The following TARS2 variants were observed in gnomAD, a reference collection of about 807,000 sequenced individuals.
TARS2 encodes threonyl-tRNA synthetase 2, mitochondrial, also known as threonine--tRNA ligase, mitochondrial.
Under a neutral mutation model 94.4 loss-of-function variants are expected in TARS2, and 61 were observed. That is an observed-to-expected ratio of 0.65 (90% CI 0.53 to 0.80). The LOEUF (loss-of-function observed/expected upper bound fraction) is 0.80, where lower values mean the gene tolerates loss of function less well. Among genes scored for constraint, TARS2 ranks in the 30% least tolerant of loss-of-function variants. The pLI is 0.00. For synonymous variants in TARS2, 359 were observed against 353.4 expected (o/e 1.02, Z -0.18); for missense variants, 704 against 902.5 (o/e 0.78, Z 2.82).
chr1:150,492,890 CT>C (rs780191451), intron 7 of TARS2, among the ~76,000 whole-genome samples: 168 of 143,414 alleles, frequency 1.2e-3, no homozygotes, highest in Non-Finnish European at 1.2e-3. Context: ...CGGCACCCCC[CT>C]TTTTTTTTTT....
At position 150,506,973 on chromosome 1, in the gene TARS2, G is replaced by A. The variant is rs745798018; in HGVS notation, c.2066G>A (p.Arg689His). The part of the protein sequence containing the change: ...RTVNIRTRDN[R>H]RLGEWDLPEA... ...GTGAACATTCGGACTCGAGATAATC[G>A]TCGCCTTGGGGAGTGGGACTTGCCT... The change falls in exon 18 of 18, where the codon CGT (arginine) becomes CAT (histidine). Residue 689 changes from arginine (R) to histidine (H), a missense_variant. Arg to His is a conservative substitution (Grantham distance 29). This residue lies in a region of TARS2 where 466 missense variants were observed against 609.5 expected (regional missense o/e 0.76). Coordinates refer to ENST00000369064, the MANE Select transcript of TARS2 (RefSeq NM_025150.5). 10 of 1,614,134 alleles carry A rather than the reference G, an allele frequency of 6.2e-6. No individual in the cohort carries two copies. Among genetic ancestry groups the A allele is most frequent in the Admixed American group, 3.3e-5 (2 of 60,016 alleles).
chr1:150,493,565 C>A (rs767860695), intron 7 of TARS2, among the ~76,000 whole-genome samples: 44 of 151,712 alleles, frequency 2.9e-4, no homozygotes, highest in Non-Finnish European at 2.8e-4. Context: ...ACCGGCCTGA[C>A]CAACATGGAG....
chr1:150,491,857 C>A (rs371077871), intron 6 of TARS2, 195 bp downstream of exon 6: 2 of 548,254 alleles, frequency 3.6e-6, no homozygotes, highest in Non-Finnish European at 6.4e-6. Context: ...TGCGGTAGCA[C>A]GATCTCGGCT....
chr1:150,491,286 C>G (rs1011046972), intron 4 of TARS2, 108 bp from the exon 5 acceptor site: 1 of 1,037,734 alleles, frequency 9.6e-7, no homozygotes, highest in South Asian at 1.3e-5. Context: ...GCCTATAACT[C>G]TAGATTTCTC....
At chr1:150,498,155 G>A (rs1317604743) in intron 10 of TARS2, among the ~76,000 whole-genome samples, 1 of 151,530 alleles carries the variant, frequency 6.6e-6, no homozygotes, top group African/African-American at 2.4e-5. Flanking sequence ...TGAGCCTACA[G>A]TCTTCCCCCT....
Position 150,488,082 on chromosome 1 carries a change from G to A in TARS2, c.263+28G>A, listed in dbSNP as rs375706031. ...AACAGGCCCATCCTGTAACTACCAG[G>A]ATTATCCTTCTGCCCCTTTACTTTC... On this transcript the variant is annotated intron_variant, in intron 2 of 17. Transcript: ENST00000369064. 14 of 1,607,454 alleles carry A rather than the reference G, an allele frequency of 8.7e-6. No individual in the cohort carries two copies. The African/African-American group carries it at 1.9e-4, about 22-fold the overall frequency.
At chr1:150,505,770 CA>C in intron 17 of TARS2, 65 bp downstream of exon 17, 1 of 1,505,248 alleles carries the variant, frequency 6.6e-7, no homozygotes, top group Non-Finnish European at 9.2e-7. Context: ...TTAAGTTTAC[CA>C]AGTCTGGTAA....
intron 13 of TARS2, among the ~76,000 whole-genome samples, chr1:150,499,501 T>C (rs1332468304): frequency 8.6e-5 from 13 of 151,944 alleles, no homozygotes; most frequent in Non-Finnish European, 1.5e-5. Flanking sequence ...GTAGCTGGGA[T>C]TACAGGTGTA....
chr1:150,497,522 C>T lies in TARS2; in HGVS notation c.1021-8C>T. ...TCTGACCTTCCATGTCTGTACCCTC[C>T]TCTCCAGGCTGAGTATGCCCATCGT... is the stretch of plus-strand genomic sequence containing the variant. On this transcript the variant is annotated splice_polypyrimidine_tract_variant and splice_region_variant and intron_variant, in intron 9 of 17. Coordinates refer to ENST00000369064, the MANE Select transcript of TARS2 (RefSeq NM_025150.5). 1.2e-6 allele frequency: 2 copies of T among 1,613,534 alleles called. No individual in the cohort carries two copies. Among genetic ancestry groups the T allele is most frequent in the Non-Finnish European group, 1.7e-6 (2 of 1,179,806 alleles).
At position 150,506,975 on chromosome 1, in the gene TARS2, C is replaced by T. The variant is rs777829295; in HGVS notation, c.2068C>T (p.Arg690Cys). ...TVNIRTRDNR[R>C]LGEWDLPEAV... ...GAACATTCGGACTCGAGATAATCGT[C>T]GCCTTGGGGAGTGGGACTTGCCTGA... The change falls in exon 18 of 18, where the codon CGC becomes TGC. Residue 690 changes from arginine to cysteine, a missense_variant. Coordinates refer to ENST00000369064, the MANE Select transcript of TARS2 (RefSeq NM_025150.5). 9.9e-6 allele frequency: 16 copies of T among 1,614,036 alleles called. No individual in the cohort carries two copies. The highest frequency in any genetic ancestry group is 1.6e-4 in the Middle Eastern group (1 of 6,084).
At chr1:150,498,461 G>A (rs1669765960) in intron 10 of TARS2, 41 bp from the exon 11 acceptor site, 1 of 1,518,924 alleles carries the variant, frequency 6.6e-7, no homozygotes, top group Admixed American at 2.4e-5. Flanking sequence ...TCGGGGGCTA[G>A]TCCTCCCTAT....
rs146022642 is a variant in TARS2 at position 150,489,670 on chromosome 1, G to A, written c.387+583G>A. Reference sequence around the variant, plus strand: ...AGATAGCTTATTCTGGCCAGGCACAGTAGCTCACGCCTGTAATCCCAGCAC... The same window carrying A: ...AGATAGCTTATTCTGGCCAGGCACAATAGCTCACGCCTGTAATCCCAGCAC... On this transcript the variant is annotated intron_variant, in intron 3 of 17. Transcript: ENST00000369064. 1.2e-3 allele frequency among the ~76,000 whole-genome samples: 187 copies of A among 152,324 alleles called. 1 individual carries two copies. The highest frequency in any genetic ancestry group is 2.0e-3 in the Non-Finnish European group (133 of 68,034).
intron 5 of TARS2, 38 bp downstream of exon 5, chr1:150,491,549 T>G: frequency 6.2e-7 from 1 of 1,614,098 alleles, no homozygotes; most frequent in Non-Finnish European, 8.5e-7. Flanking sequence ...CCAGGACATC[T>G]TTGTGGGAAT....
At chr1:150,499,811 G>A (rs938606470) in intron 13 of TARS2, among the ~76,000 whole-genome samples, 6 of 152,130 alleles carry the variant, frequency 3.9e-5, no homozygotes, top group Non-Finnish European at 8.8e-5. Context: ...GGTACCAAGA[G>A]AGCACGTTAG....
chr1:150,503,671 GTGTGTATATA>G (rs1275100461), intron 13 of TARS2, among the ~76,000 whole-genome samples: 4 of 149,242 alleles, frequency 2.7e-5, no homozygotes, highest in African/African-American at 9.9e-5. Flanking sequence ...GTGTATATAT[GTGTGTATATA>G]TGTGTATATA....
chr1:150,504,212 A>G (rs935660451), intron 13 of TARS2, 123 bp from the exon 14 acceptor site: 3 of 829,106 alleles, frequency 3.6e-6, no homozygotes, highest in Non-Finnish European at 5.9e-6. Context: ...GCTAGGTGAC[A>G]TGATGAAGGT....
intron 9 of TARS2, 77 bp downstream of exon 9, chr1:150,496,985 A>G (rs776623057): frequency 1.1e-5 from 16 of 1,439,224 alleles, no homozygotes; most frequent in Non-Finnish European, 1.4e-5. Flanking sequence ...TGTTTGTGTT[A>G]AAAGATGGGG....
At position 150,502,426 on chromosome 1, in the gene TARS2, G is replaced by A. The variant is rs587710213; in HGVS notation, c.1618-1909G>A. 3.5e-4 allele frequency among the ~76,000 whole-genome samples: 48 copies of A among 138,882 alleles called. 1 individual carries two copies. The highest frequency in any genetic ancestry group is 9.9e-4 in the Admixed American group (13 of 13,132). The allele number at this position is 138,882 out of a possible 152,430, so 91.1% of individuals were successfully genotyped here. Reference sequence around the variant, plus strand: ...TTTTGAGGCGGAGTTTTACTCTGTCGCCAGGCTGGAGTGGAGTGGCACAAT... The same window carrying A: ...TTTTGAGGCGGAGTTTTACTCTGTCACCAGGCTGGAGTGGAGTGGCACAAT... On this transcript the variant is annotated intron_variant, in intron 13 of 17. Transcript: ENST00000369064.
intron 17 of TARS2, among the ~76,000 whole-genome samples, chr1:150,505,920 C>T (rs913984852): frequency 6.6e-6 from 1 of 152,128 alleles, no homozygotes; most frequent in Non-Finnish European, 1.5e-5. Context: ...AAATAGTTTT[C>T]CTCTTTTTAA....
Sources: gnomAD v4.1 joint callset for allele counts (sites outside exome capture counted in the v4.1 genomes callset) on GRCh38, gnomAD v4.1.1 for gene constraint, gnomAD v4.1.1 regional missense constraint, MANE v1.5 for transcripts, NCBI Gene and HGNC (gene_info 2026-07-23, HGNC 2026-07-21) for gene names.